The following ARV1 variants were observed in gnomAD, a reference collection of about 807,000 sequenced individuals.
ARV1 encodes protein ARV1.
ARV1 carries 26 observed loss-of-function variants against 31.1 expected under a neutral mutation model. That is an observed-to-expected ratio of 0.84 (90% confidence interval 0.61 to 1.16). The LOEUF (loss-of-function observed/expected upper bound fraction) is 1.16. Among genes scored for constraint, ARV1 ranks in the 50% most tolerant of loss-of-function variants. The pLI, the probability that ARV1 is intolerant of heterozygous loss-of-function variation, is 0.00. For synonymous variants in ARV1, 117 were observed against 123.2 expected (o/e 0.95, Z 0.34); for missense variants, 281 against 324.9 (o/e 0.86, Z 1.04).
At chr1:230,988,954 T>C (rs1257405354) in intron 2 of ARV1, among the ~76,000 whole-genome samples, 1 of 152,204 alleles carries the variant, frequency 6.6e-6, no homozygotes, top group Non-Finnish European at 1.5e-5. Flanking sequence ...GTGAGCTCTT[T>C]AATAGTTTGG....
intron 1 of ARV1, among the ~76,000 whole-genome samples, chr1:230,986,079 C>T (rs13374733): frequency 2.6e-4 from 37 of 143,248 alleles, no homozygotes; most frequent in African/African-American, 9.0e-4. Flanking sequence ...ACCACGCCCT[C>T]CTAATCTTTT....
chr1:230,992,439 T>C (rs1679254993), intron 3 of ARV1, among the ~76,000 whole-genome samples: 1 of 152,234 alleles, frequency 6.6e-6, no homozygotes, highest in African/African-American at 2.4e-5. Context: ...ACTCCTGATC[T>C]CCTGTTCCGG....
intron 4 of ARV1, 54 bp downstream of exon 4, chr1:230,996,038 A>C (rs1031999994): frequency 6.7e-7 from 1 of 1,496,984 alleles, no homozygotes; most frequent in African/African-American, 1.4e-5. Context: ...AAAAAGCTTA[A>C]AGCCTTGTTT....
intron 3 of ARV1, among the ~76,000 whole-genome samples, chr1:230,992,710 T>G (rs1572341114): frequency 6.6e-6 from 1 of 152,238 alleles, no homozygotes; most frequent in East Asian, 1.9e-4. Flanking sequence ...TCGGTGATTA[T>G]TCATTCACTA....
chr1:230,979,327 G>T, intron 1 of ARV1, 48 bp downstream of exon 1: 1 of 1,604,786 alleles, frequency 6.2e-7, no homozygotes. Context: ...TGGCGCGGCG[G>T]GATTTGGGGA....
intron 3 of ARV1, among the ~76,000 whole-genome samples, chr1:230,994,808 T>G (rs936010126): frequency 6.6e-6 from 1 of 152,196 alleles, no homozygotes; most frequent in Non-Finnish European, 1.5e-5. Context: ...CCTCCCAAAG[T>G]GCTGGGATTA....
At chr1:230,981,121 A>G (rs1307055349) in intron 1 of ARV1, among the ~76,000 whole-genome samples, 1 of 151,800 alleles carries the variant, frequency 6.6e-6, no homozygotes, top group African/African-American at 2.4e-5. Context: ...TTACCCCTCA[A>G]TCTCCTTTCT....
intron 1 of ARV1, among the ~76,000 whole-genome samples, chr1:230,982,938 C>G (rs1023502698): frequency 1.3e-5 from 2 of 152,062 alleles, no homozygotes; most frequent in Non-Finnish European, 2.9e-5. Flanking sequence ...TCAGCCTGAT[C>G]GCCCACGTGT....
In ARV1 at chr1:230,995,818, G is replaced by A. The variant is rs766667485; in HGVS notation, c.507G>A (p.Thr169=). The A allele has an allele frequency of 1.1e-5, 18 of 1,613,358 alleles. No individual in the cohort carries two copies. In the Admixed American group the frequency reaches 1.8e-4, roughly 16 times the overall value. ...FTFLWVERPM[T]AKKKPNFILL... ...TCCTGTGGGTAGAACGGCCCATGAC[G>A]GCAAAAAAAAAGCCCAACTTCATTT... The change falls in exon 4 of 6, where the codon ACG becomes ACA. Residue 169 remains threonine, a synonymous_variant. Transcript: ENST00000310256.
chr1:230,989,022 A>G (rs1679160104), intron 2 of ARV1, among the ~76,000 whole-genome samples: 1 of 152,234 alleles, frequency 6.6e-6, no homozygotes, highest in Non-Finnish European at 1.5e-5. Flanking sequence ...CATATATACC[A>G]TGAATTAATT....
intron 2 of ARV1, among the ~76,000 whole-genome samples, chr1:230,989,825 C>T (rs1050438319): frequency 2.0e-5 from 3 of 152,036 alleles, no homozygotes; most frequent in Non-Finnish European, 4.4e-5. Context: ...ATTAGAATCC[C>T]CCCAGAACTG....
intron 1 of ARV1, among the ~76,000 whole-genome samples, chr1:230,980,334 T>C (rs1216816806): frequency 6.6e-6 from 1 of 151,824 alleles, no homozygotes; most frequent in Non-Finnish European, 1.5e-5. Context: ...CGGTTTTTTT[T>C]TTCTTTCTTT....
intron 1 of ARV1, among the ~76,000 whole-genome samples, chr1:230,984,361 T>TGTGTGTGTGTGTGTGC (rs10628275): frequency 3.9e-5 from 4 of 103,400 alleles, no homozygotes; most frequent in East Asian, 2.7e-4. Flanking sequence ...TGTGTGTGTG[T>TGTGTGTGTGTGTGTGC]GCGTGTGTGT....
chr1:230,984,152 A>G (rs1278233907), intron 1 of ARV1, among the ~76,000 whole-genome samples: 1 of 152,150 alleles, frequency 6.6e-6, no homozygotes. Flanking sequence ...CAGGAGGTTG[A>G]GGTGGGAGGA....
chr1:230,995,673 G>A (rs1679339871), intron 3 of ARV1, 87 bp from the exon 4 acceptor site: 1 of 961,018 alleles, frequency 1.0e-6, no homozygotes, highest in Admixed American at 2.7e-5. Flanking sequence ...CTGATAAGCT[G>A]TATTTTAGAA....
At chr1:230,982,546 T>C (rs988465351) in intron 1 of ARV1, among the ~76,000 whole-genome samples, 2 of 152,248 alleles carry the variant, frequency 1.3e-5, no homozygotes, top group Non-Finnish European at 2.9e-5. Flanking sequence ...CCTAACATGA[T>C]ACTCTTTCTC....
At chr1:230,987,966 ATAAT>A (rs1250960837) in intron 1 of ARV1, among the ~76,000 whole-genome samples, 2 of 152,236 alleles carry the variant, frequency 1.3e-5, no homozygotes, top group Non-Finnish European at 2.9e-5. Flanking sequence ...TTATTTTGTA[ATAAT>A]TGCTACAAAT....
chr1:230,982,000 T>C (rs1678923430), intron 1 of ARV1, among the ~76,000 whole-genome samples: 1 of 152,258 alleles, frequency 6.6e-6, no homozygotes, highest in African/African-American at 2.4e-5. Flanking sequence ...CCCAGCTTTA[T>C]CTTTCTCTAT....
chr1:230,983,657 C>CT (rs1419221984), intron 1 of ARV1, among the ~76,000 whole-genome samples: 6 of 151,970 alleles, frequency 3.9e-5, no homozygotes, highest in African/African-American at 1.5e-4. Flanking sequence ...GGGAATGCTC[C>CT]TAGAGATGAC....
Sources: gnomAD v4.1 joint callset for allele counts (sites outside exome capture counted in the v4.1 genomes callset) on GRCh38, gnomAD v4.1.1 for gene constraint, MANE v1.5 for transcripts, NCBI Gene and HGNC (gene_info 2026-07-23, HGNC 2026-07-21) for gene names.